Variants in BICD1 observed in about 807,000 individuals in gnomAD.
The protein encoded by BICD1 is protein bicaudal D homolog 1.
In BICD1, 35 loss-of-function variants were observed where a neutral mutation model predicts 92.5. The ratio of observed to expected loss-of-function variants is 0.38; its 90% CI spans 0.29 to 0.50. The LOEUF is 0.50. BICD1 is among the 20% of genes least tolerant of loss of function. BICD1 has a pLI of 0.93. For synonymous variants in BICD1, 429 were observed against 465.1 expected (o/e 0.92, Z 1.00); for missense variants, 950 against 1,189.8 (o/e 0.80, Z 2.97).
intron 2 of BICD1, among the ~76,000 whole-genome samples, chr12:32,282,214 T>A (rs1043468714): frequency 1.6e-4 from 3 of 18,592 alleles, no homozygotes; most frequent in South Asian, 2.6e-3. Flanking sequence ...TTTTTTTTTT[T>A]TTTTTTTTTT....
chr12:32,128,972 C>T (rs7303916), intron 1 of BICD1, among the ~76,000 whole-genome samples: 43,804 of 151,230 alleles, frequency 0.29, 6,576 homozygotes, highest in Admixed American at 0.43. Flanking sequence ...GACAGAATCT[C>T]GCTCTGTTGC....
At chr12:32,168,656 G>A (rs1397378330) in intron 1 of BICD1, among the ~76,000 whole-genome samples, 1 of 152,104 alleles carries the variant, frequency 6.6e-6, no homozygotes, top group Non-Finnish European at 1.5e-5. Flanking sequence ...CTCTTAATCG[G>A]GTCCACTGTG....
chr12:32,248,687 C>T (rs1309416789), intron 2 of BICD1, among the ~76,000 whole-genome samples: 1 of 152,126 alleles, frequency 6.6e-6, no homozygotes, highest in Admixed American at 6.5e-5. Flanking sequence ...AGGATTTTGG[C>T]TCTTTAGCTC....
At chr12:32,216,812 C>T (rs993838998) in intron 2 of BICD1, among the ~76,000 whole-genome samples, 1 of 152,226 alleles carries the variant, frequency 6.6e-6, no homozygotes, top group Non-Finnish European at 1.5e-5. Flanking sequence ...GGCTGTAATG[C>T]TCTGTATCTG....
intron 1 of BICD1, among the ~76,000 whole-genome samples, chr12:32,198,546 C>CTTT (rs113075749): frequency 1.1e-3 from 145 of 134,490 alleles, no homozygotes; most frequent in Non-Finnish European, 1.5e-3. Flanking sequence ...TATCCCCACT[C>CTTT]TTTTTTTTTT....
At chr12:32,117,022 C>G (rs944438790) in intron 1 of BICD1, among the ~76,000 whole-genome samples, 7 of 152,062 alleles carry the variant, frequency 4.6e-5, no homozygotes, top group African/African-American at 1.7e-4. Context: ...TTCATTGATG[C>G]GTCTGTACTT....
At chr12:32,218,379 C>T (rs765319282) in intron 2 of BICD1, among the ~76,000 whole-genome samples, 2 of 152,296 alleles carry the variant, frequency 1.3e-5, no homozygotes, top group Non-Finnish European at 2.9e-5. Flanking sequence ...GGGGCCCCCT[C>T]GCAGAGATTC....
chr12:32,159,790 C>T (rs978095208), intron 1 of BICD1, among the ~76,000 whole-genome samples: 4 of 152,144 alleles, frequency 2.6e-5, no homozygotes. Context: ...CCTTAACGTT[C>T]TTCTCCACTT....
At chr12:32,283,082 GT>G (rs1332930584) in intron 2 of BICD1, among the ~76,000 whole-genome samples, 10 of 152,194 alleles carry the variant, frequency 6.6e-5, no homozygotes, top group Non-Finnish European at 1.2e-4. Context: ...TCTCCTTGGG[GT>G]TTTTTTCCCC....
intron 2 of BICD1, among the ~76,000 whole-genome samples, chr12:32,220,370 C>G (rs1945479603): frequency 1.3e-5 from 2 of 152,188 alleles, no homozygotes; most frequent in Admixed American, 1.3e-4. Flanking sequence ...TATCCAGAAT[C>G]TGCAATGAAC....
rs557638344 is a variant in BICD1, at chr12:32,152,587, C to A, written c.213+45043C>A. On this transcript the variant is annotated intron_variant, in intron 1 of 9. Transcript: ENST00000652176. ...GGGAGAGAGAAATTGATTGGCCCAC[C>A]AGGGACCAGGTGTTTGCTTCTGGTC... 9.5e-4 allele frequency among the ~76,000 whole-genome samples: 144 copies of A among 152,256 alleles called. 2 individuals carry two copies. The highest frequency in any genetic ancestry group is 6.8e-3 in the Middle Eastern group (2 of 294).
rs550682779 is a variant in BICD1, at chr12:32,304,303, G to T, written c.580-1394G>T. Among the ~76,000 whole-genome samples the T allele has an allele frequency of 7.9e-5, 12 of 152,306 alleles. No individual in the cohort carries two copies. In the South Asian group the frequency reaches 2.5e-3, roughly 32 times the overall value. On this transcript the variant is annotated intron_variant, in intron 3 of 9. Coordinates refer to ENST00000652176, the MANE Select transcript of BICD1 (RefSeq NM_001714.4). ...TTTTAAAATATTTTTTAAAATTCAA[G>T]TTCAAACTAATATATATGCTAAAAT...
chr12:32,301,918 G>T (rs887895859), intron 3 of BICD1, among the ~76,000 whole-genome samples: 3 of 152,084 alleles, frequency 2.0e-5, no homozygotes, highest in Non-Finnish European at 2.9e-5. Context: ...ACGGAGTCTT[G>T]CTCTGTCGCC....
At chr12:32,319,620 C>T (rs1014594419) in intron 4 of BICD1, among the ~76,000 whole-genome samples, 4 of 151,946 alleles carry the variant, frequency 2.6e-5, no homozygotes, top group Admixed American at 2.6e-4. Context: ...GTCTGTTGCC[C>T]AGGCTGGAGT....
intron 2 of BICD1, among the ~76,000 whole-genome samples, chr12:32,248,893 C>T (rs1167947838): frequency 6.6e-6 from 1 of 152,218 alleles, no homozygotes; most frequent in East Asian, 1.9e-4. Context: ...TCCACCCCAT[C>T]CTTCCAGTGC....
chr12:32,193,725 C>G (rs1225538912), intron 1 of BICD1, among the ~76,000 whole-genome samples: 1 of 152,110 alleles, frequency 6.6e-6, no homozygotes, highest in Non-Finnish European at 1.5e-5. Context: ...AAACCTCCAG[C>G]AAAGAAAAAC....
intron 2 of BICD1, among the ~76,000 whole-genome samples, chr12:32,241,789 AT>A (rs937048395): frequency 6.6e-6 from 1 of 152,092 alleles, no homozygotes; most frequent in Admixed American, 6.5e-5. Flanking sequence ...AAAACAGTCT[AT>A]TTCCCCTTAT....
At chr12:32,176,273 G>GT (rs1944087240) in intron 1 of BICD1, among the ~76,000 whole-genome samples, 1 of 152,042 alleles carries the variant, frequency 6.6e-6, no homozygotes. Flanking sequence ...TTCATTTTAT[G>GT]TTTTTTGAGA....
At chr12:32,363,062 A>G (rs1939393732) in intron 8 of BICD1, among the ~76,000 whole-genome samples, 1 of 152,200 alleles carries the variant, frequency 6.6e-6, no homozygotes, top group Admixed American at 6.5e-5. Context: ...TGTAAAGTTT[A>G]TAGGAAAGAT....
Sources: allele counts gnomAD v4.1 joint callset (sites outside exome capture counted in the v4.1 genomes callset), GRCh38; gene constraint gnomAD v4.1.1; transcripts MANE v1.5; gene names NCBI Gene and HGNC (gene_info 2026-07-23, HGNC 2026-07-21).